Variants in PLXNC1 observed in about 807,000 individuals in gnomAD.
The protein encoded by PLXNC1 is plexin C1.
A neutral mutation model predicts 178.2 loss-of-function variants in PLXNC1; 75 were observed. That is an observed-to-expected ratio of 0.42 (90% CI 0.35 to 0.51). The LOEUF (loss-of-function observed/expected upper bound fraction) is 0.51, where lower values mean the gene tolerates loss of function less well. Ranked by LOEUF, PLXNC1 falls within the 20% of genes least tolerant of loss-of-function variation. The pLI, the probability that PLXNC1 is intolerant of heterozygous loss-of-function variation, is 0.02. For missense variants in PLXNC1, 1,503 were observed against 1,984.4 expected (o/e 0.76, Z 4.61); for synonymous variants, 790 against 779.9 (o/e 1.01, Z -0.22).
chr12:94,152,690 C>T (rs563231417), intron 1 of PLXNC1, among the ~76,000 whole-genome samples: 101 of 152,342 alleles, frequency 6.6e-4, no homozygotes, highest in African/African-American at 2.4e-3. Flanking sequence ...GGCTGCAAGG[C>T]ACAAGCGGCT....
At chr12:94,190,497 T>G (rs1416629268) in intron 4 of PLXNC1, among the ~76,000 whole-genome samples, 5 of 152,118 alleles carry the variant, frequency 3.3e-5, no homozygotes, top group Admixed American at 1.3e-4. Context: ...TTCCTGGGCC[T>G]CCCAAAGTGT....
intron 20 of PLXNC1, among the ~76,000 whole-genome samples, 198 bp from the exon 21 acceptor site, chr12:94,264,881 C>A (rs1448156872): frequency 6.6e-6 from 1 of 152,234 alleles, no homozygotes; most frequent in Admixed American, 6.5e-5. Context: ...GATGTGCATT[C>A]GCGATGGAGA....
At chr12:94,285,751 T>G (rs1051477852) in intron 23 of PLXNC1, among the ~76,000 whole-genome samples, 1 of 152,130 alleles carries the variant, frequency 6.6e-6, no homozygotes, top group African/African-American at 2.4e-5. Flanking sequence ...TTCAGGGTTC[T>G]AGACCTGCAA....
At chr12:94,295,174 C>T (rs1967777046) in intron 24 of PLXNC1, among the ~76,000 whole-genome samples, 1 of 152,214 alleles carries the variant, frequency 6.6e-6, no homozygotes. Context: ...CTGAGCTCCT[C>T]CCAAACAGGC....
At chr12:94,248,883 A>G (rs1466068113) in intron 14 of PLXNC1, among the ~76,000 whole-genome samples, 1 of 152,186 alleles carries the variant, frequency 6.6e-6, no homozygotes, top group African/African-American at 2.4e-5. Flanking sequence ...CCATGAAGTC[A>G]TACTTTCTGC....
chr12:94,280,350 T>C (rs558800211), intron 22 of PLXNC1, among the ~76,000 whole-genome samples: 4 of 152,310 alleles, frequency 2.6e-5, no homozygotes, highest in Admixed American at 2.6e-4. Context: ...AAATGAAGAA[T>C]AGAATCATGG....
intron 3 of PLXNC1, among the ~76,000 whole-genome samples, chr12:94,183,517 A>G (rs1962401693): frequency 1.3e-5 from 2 of 152,256 alleles, no homozygotes; most frequent in Non-Finnish European, 2.9e-5. Context: ...GGGCGTCTCA[A>G]AACTGCCGGT....
At chr12:94,150,536 G>A (rs1960919974) in intron 1 of PLXNC1, among the ~76,000 whole-genome samples, 1 of 152,188 alleles carries the variant, frequency 6.6e-6, no homozygotes, top group Non-Finnish European at 1.5e-5. Context: ...GTGGCCCCCT[G>A]TCTCCGCCCC....
In PLXNC1 at chr12:94,264,584, C is replaced by T. The variant is rs1019643387; in HGVS notation, c.3451-495C>T. On this transcript the variant is annotated intron_variant, in intron 20 of 30. Transcript: ENST00000258526. ...GGCAGGCTGCTTCCTTCGAGAAGTG[C>T]TGTTAACACCAAAAAACATTGTATT... is the stretch of plus-strand genomic sequence containing the variant. Among the ~76,000 whole-genome samples, 4 of 152,302 alleles carry T rather than the reference C, an allele frequency of 2.6e-5. 1 individual carries two copies. The Middle Eastern group carries it at 0.014, about 518-fold the overall frequency.
At chr12:94,261,863 CACA>C (rs958012936) in intron 20 of PLXNC1, among the ~76,000 whole-genome samples, 6 of 152,220 alleles carry the variant, frequency 3.9e-5, no homozygotes, top group Non-Finnish European at 5.9e-5. Context: ...CAAGTAGATG[CACA>C]ACAATTTTTT....
chr12:94,182,731 GA>G lies in PLXNC1; in HGVS notation c.1338+1161del, dbSNP rs926849041. ...CAGAGTGAGACTCTGTCTCAAAAAA[GA>G]AAAAAAAAAGAAAGAAGAAGAAAAA... On this transcript the variant is annotated intron_variant, in intron 3 of 30. Coordinates refer to ENST00000258526, the MANE Select transcript of PLXNC1 (RefSeq NM_005761.3). 8.8e-4 allele frequency among the ~76,000 whole-genome samples: 114 copies of G among 130,202 alleles called. 1 individual carries two copies. Among genetic ancestry groups the G allele is most frequent in the African/African-American group, 2.5e-3 (88 of 35,014 alleles). The allele number at this position is 130,202 out of a possible 152,430, so 85.4% of individuals were successfully genotyped here. A position where few individuals can be genotyped will look rare whatever the true frequency, so the allele number is the denominator to read the frequency against.
intron 21 of PLXNC1, chr12:94,276,833 T>C (rs1965997647): frequency 2.0e-5 from 3 of 152,330 alleles, no homozygotes; most frequent in Admixed American, 2.0e-4. Flanking sequence ...TCCTAGTCGG[T>C]GGCTGGCCCA....
chr12:94,210,310 A>T (rs1011952982), intron 5 of PLXNC1, among the ~76,000 whole-genome samples: 3 of 152,246 alleles, frequency 2.0e-5, no homozygotes, highest in African/African-American at 7.2e-5. Context: ...GGATGAGAGA[A>T]GGGAGCAAGG....
At position 94,149,894 on chromosome 12, in the gene PLXNC1, G is replaced by C. The variant is rs1055746966; in HGVS notation, c.923G>C (p.Gly308Ala). Reference sequence around the variant, plus strand: ...GTGGAGGCCCTGGACGTCTGGGCGGGAGTGTTCAGCGCGGCCGCTGGAGAG... The same window carrying C: ...GTGGAGGCCCTGGACGTCTGGGCGGCAGTGTTCAGCGCGGCCGCTGGAGAG... ...SLVEALDVWA[G>A]VFSAAAGEGQ... Residue 308 changes from glycine to alanine, a missense_variant, in exon 1 of 31, where the codon GGA (glycine) becomes GCA (alanine). By Grantham distance (60) the Gly-to-Ala change is moderately conservative. Coordinates refer to ENST00000258526, the MANE Select transcript of PLXNC1 (RefSeq NM_005761.3). The C allele has an allele frequency of 1.9e-6, 3 of 1,589,066 alleles. No individual in the cohort carries two copies. Among genetic ancestry groups the C allele is most frequent in the African/African-American group, 2.7e-5 (2 of 74,340 alleles).
Position 94,240,497 on chromosome 12 carries a change from C to T in PLXNC1, c.2133C>T (p.Ser711=), listed in dbSNP as rs1592799620. 23 of 1,613,240 alleles carry T rather than the reference C, an allele frequency of 1.4e-5. No homozygotes were observed. In the East Asian group the frequency reaches 4.7e-4, roughly 33 times the overall value. ...STCDKDVIQV[S]HVLNDTHMKF... is the part of the protein sequence containing the mutation. ...TACTCTTTTCTAGGATACAGGTTAGCCATGTGCTAAATGACACCCACATGA... is the reference window on the plus strand; with the variant it reads ...TACTCTTTTCTAGGATACAGGTTAGTCATGTGCTAAATGACACCCACATGA... Residue 711 remains serine (S), a synonymous_variant, in exon 11 of 31, where the codon AGC becomes AGT. Coordinates refer to ENST00000258526, the MANE Select transcript of PLXNC1 (RefSeq NM_005761.3).
intron 20 of PLXNC1, among the ~76,000 whole-genome samples, 194 bp from the exon 21 acceptor site, chr12:94,264,885 A>G (rs565554906): frequency 6.6e-6 from 1 of 152,370 alleles, no homozygotes; most frequent in East Asian, 1.9e-4. Flanking sequence ...TGCATTCGCG[A>G]TGGAGAGAGG....
At chr12:94,153,770 C>T (rs780487731) in intron 1 of PLXNC1, among the ~76,000 whole-genome samples, 6 of 152,218 alleles carry the variant, frequency 3.9e-5, no homozygotes, top group East Asian at 1.9e-4. Context: ...CCTTCTTCCA[C>T]GCCTACATAA....
At chr12:94,259,497 G>A (rs861282) in intron 18 of PLXNC1, 113 bp from the exon 19 acceptor site, 24 of 1,148,836 alleles carry the variant, frequency 2.1e-5, no homozygotes, top group Non-Finnish European at 2.8e-5. Context: ...TTTGGATCAT[G>A]AATTCAATAT....
intron 4 of PLXNC1, among the ~76,000 whole-genome samples, chr12:94,201,928 A>C (rs1963140145): frequency 6.6e-6 from 1 of 151,554 alleles, no homozygotes; most frequent in African/African-American, 2.4e-5. Context: ...CACCTCGCCC[A>C]GCTAATTTTT....
Sources: allele counts gnomAD v4.1 joint callset (sites outside exome capture counted in the v4.1 genomes callset), GRCh38; gene constraint gnomAD v4.1.1; transcripts MANE v1.5; gene names NCBI Gene and HGNC (gene_info 2026-07-23, HGNC 2026-07-21).